The following ANK3 variants were observed in gnomAD, a reference collection of about 807,000 sequenced individuals.
The protein encoded by ANK3 is ankyrin 3.
ANK3 carries 57 observed loss-of-function variants against 370.9 expected under a neutral mutation model. That is an observed-to-expected ratio of 0.15 (90% CI 0.12 to 0.19). The LOEUF (loss-of-function observed/expected upper bound fraction) is 0.19, where lower values mean the gene tolerates loss of function less well. Ranked by LOEUF, ANK3 falls within the 10% of genes least tolerant of loss-of-function variation. The pLI is 1.00. For missense variants in ANK3, 4,439 were observed against 5,302.1 expected, an observed-to-expected ratio of 0.84 and a Z score of 5.06; for synonymous variants, 1,929 against 1,946.3, an observed-to-expected ratio of 0.99 and a Z score of 0.23.
chr10:60,252,197 C>G (rs564151446), intron 7 of ANK3, among the ~76,000 whole-genome samples: 1 of 152,290 alleles, frequency 6.6e-6, no homozygotes, highest in South Asian at 2.1e-4. Flanking sequence ...TTTGCCCTTT[C>G]TGTATATTCT....
At chr10:60,644,440 A>G (rs1268188966) in intron 1 of ANK3, among the ~76,000 whole-genome samples, 2 of 152,216 alleles carry the variant, frequency 1.3e-5, no homozygotes, top group African/African-American at 4.8e-5. Flanking sequence ...TATGTTTCTA[A>G]GTAAATACAT....
chr10:60,428,410 A>G (rs2063937369), intron 2 of ANK3, among the ~76,000 whole-genome samples: 1 of 152,188 alleles, frequency 6.6e-6, no homozygotes, highest in Non-Finnish European at 1.5e-5. Flanking sequence ...TAGCCCAAGA[A>G]AGACAAATTA....
chr10:60,615,329 G>A (rs2078253811), intron 1 of ANK3: 2 of 667,912 alleles, frequency 3.0e-6, no homozygotes, highest in Non-Finnish European at 4.6e-6. Context: ...TATAAACATA[G>A]TAAGTTCCTT....
chr10:60,351,321 T>C (rs539135479), intron 1 of ANK3, among the ~76,000 whole-genome samples: 2 of 152,262 alleles, frequency 1.3e-5, no homozygotes, highest in East Asian at 3.9e-4. Flanking sequence ...AAAGTCCTGG[T>C]TCCCCTTCCT....
At chr10:60,404,749 A>T (rs2063418939) in intron 2 of ANK3, among the ~76,000 whole-genome samples, 2 of 152,218 alleles carry the variant, frequency 1.3e-5, no homozygotes. Flanking sequence ...AAGCTTCTGC[A>T]CTTCAAAGCC....
chr10:60,297,626 G>A (rs2042818888), intron 1 of ANK3, among the ~76,000 whole-genome samples: 1 of 152,044 alleles, frequency 6.6e-6, no homozygotes, highest in Non-Finnish European at 1.5e-5. Flanking sequence ...GACTAAAAAT[G>A]TCTTAACATT....
intron 2 of ANK3, among the ~76,000 whole-genome samples, chr10:60,419,384 A>G (rs999837340): frequency 3.3e-5 from 5 of 152,118 alleles, no homozygotes; most frequent in Non-Finnish European, 7.4e-5. Context: ...ATTAAGCCAA[A>G]GACATGGGCC....
At chr10:60,101,889 A>G (rs1206834308) in intron 28 of ANK3, among the ~76,000 whole-genome samples, 1 of 152,080 alleles carries the variant, frequency 6.6e-6, no homozygotes, top group African/African-American at 2.4e-5. Context: ...CAGCTGACAT[A>G]TATGTGGCTC....
chr10:60,075,426 T>C lies in ANK3; in HGVS notation c.5455A>G (p.Ile1819Val), dbSNP rs377376965. The change falls in exon 37 of 44, where the codon ATT becomes GTT. Residue 1819 changes from isoleucine to valine, a missense_variant. Around this residue, in one of 13 missense-constraint regions of ANK3, gnomAD observed 679 missense variants for 791.0 expected, o/e 0.86. Coordinates refer to ENST00000280772, the MANE Select transcript of ANK3 (RefSeq NM_020987.5). The stretch of plus-strand genomic sequence containing the variant: ...ACAGAGTATACTGGCACTGTTATAA[T>C]TGATGAAGTTACAGATGAGGTAGTT... ...SATTSSVTSS[I>V]ITVPVYSVVN... 9.9e-6 allele frequency: 16 copies of C among 1,613,200 alleles called. No individual in the cohort carries two copies. The African/African-American group carries it at 1.2e-4, about 12-fold the overall frequency.
rs1463346615 is a variant in ANK3 at position 60,101,740 on chromosome 10, T to G, written c.3328+4165A>C. ...GCAAAACCACTGATATTTCAGTCCC[T>G]GGGCTTGCTGGTGATAAGGAGTAAC... On this transcript the variant is annotated intron_variant, in intron 28 of 43. Transcript: ENST00000280772. 3.9e-5 allele frequency among the ~76,000 whole-genome samples: 6 copies of G among 152,214 alleles called. No homozygotes were observed. The South Asian group carries it at 1.2e-3, about 32-fold the overall frequency.
chr10:60,720,467 AC>A (rs1392241921), intron 1 of ANK3, among the ~76,000 whole-genome samples: 1 of 152,196 alleles, frequency 6.6e-6, no homozygotes, highest in Non-Finnish European at 1.5e-5. Flanking sequence ...AATACAAAAT[AC>A]TATTAGGTTG....
intron 23 of ANK3, among the ~76,000 whole-genome samples, chr10:60,149,204 TG>T (rs2094971876): frequency 6.6e-6 from 1 of 152,214 alleles, no homozygotes; most frequent in East Asian, 1.9e-4. Context: ...TCATTCTCAC[TG>T]GGGTTCTGAC....
chr10:60,469,792 G>T (rs2065170757), intron 2 of ANK3, among the ~76,000 whole-genome samples: 1 of 149,312 alleles, frequency 6.7e-6, no homozygotes, highest in Non-Finnish European at 1.5e-5. Context: ...TTAAAGACTG[G>T]CTATCAACAC....
At chr10:60,118,218 C>T (rs763827784) in intron 25 of ANK3, among the ~76,000 whole-genome samples, 2 of 151,930 alleles carry the variant, frequency 1.3e-5, no homozygotes, top group Non-Finnish European at 2.9e-5. Context: ...TATTTAATTG[C>T]ATAACTTTGG....
intron 33 of ANK3, among the ~76,000 whole-genome samples, chr10:60,082,971 C>T (rs990842065): frequency 7.9e-5 from 12 of 152,162 alleles, no homozygotes; most frequent in African/African-American, 2.9e-4. Context: ...CTAATCCTGA[C>T]AATTCATAGT....
intron 1 of ANK3, among the ~76,000 whole-genome samples, chr10:60,677,958 G>A (rs550922827): frequency 4.3e-4 from 66 of 152,096 alleles, no homozygotes; most frequent in Non-Finnish European, 8.2e-4. Flanking sequence ...CGCTCAGACT[G>A]CCCTACTTAC....
intron 1 of ANK3, among the ~76,000 whole-genome samples, chr10:60,689,865 A>T (rs1419958996): frequency 2.6e-5 from 4 of 152,192 alleles, no homozygotes; most frequent in Non-Finnish European, 5.9e-5. Context: ...AATAAAGAGT[A>T]CAAAATTGTA....
At chr10:60,291,861 G>C (rs1204251398) in intron 1 of ANK3, among the ~76,000 whole-genome samples, 1 of 151,934 alleles carries the variant, frequency 6.6e-6, no homozygotes, top group Non-Finnish European at 1.5e-5. Context: ...TACAGGTACA[G>C]ACCGCCACGC....
chr10:60,409,201 C>A (rs919218770), intron 2 of ANK3, among the ~76,000 whole-genome samples: 3 of 152,170 alleles, frequency 2.0e-5, no homozygotes, highest in African/African-American at 7.2e-5. Flanking sequence ...CTTCATGCCA[C>A]GTATTATCAT....
Sources: gnomAD v4.1 joint callset for allele counts (sites outside exome capture counted in the v4.1 genomes callset) on GRCh38, gnomAD v4.1.1 for gene constraint, gnomAD v4.1.1 regional missense constraint, MANE v1.5 for transcripts, NCBI Gene and HGNC (gene_info 2026-07-23, HGNC 2026-07-21) for gene names.